The following NFKB1 variants were observed in gnomAD, a reference collection of about 807,000 sequenced individuals.
NFKB1 encodes nuclear factor kappa B subunit 1.
In NFKB1, 9 loss-of-function variants were observed where a neutral mutation model predicts 105.1. The observed-to-expected ratio is 0.09, with a 90% CI of 0.05 to 0.15. The LOEUF (loss-of-function observed/expected upper bound fraction) is 0.15. NFKB1 is among the 10% of genes least tolerant of loss of function. The pLI, the probability that NFKB1 is intolerant of heterozygous loss-of-function variation, is 1.00. For synonymous variants in NFKB1, 440 were observed against 442.2 expected, an observed-to-expected ratio of 1.00 and a Z score of 0.06; for missense variants, 830 against 1,203.7, an observed-to-expected ratio of 0.69 and a Z score of 4.59.
At position 102,575,274 on chromosome 4, in the gene NFKB1, T is replaced by C. The variant is rs549573656; in HGVS notation, c.408-1602T>C. Among the ~76,000 whole-genome samples, 7 of 152,338 alleles carry C rather than the reference T, an allele frequency of 4.6e-5. No individual in the cohort carries two copies. The East Asian group carries it at 1.4e-3, about 29-fold the overall frequency. Reference sequence around the variant, plus strand: ...TAGCTATCCACTTTTTTCATCTGCCTGGACACGTGACTTATTCTGTCTCTG... The same window carrying C: ...TAGCTATCCACTTTTTTCATCTGCCCGGACACGTGACTTATTCTGTCTCTG... On this transcript the variant is annotated intron_variant, in intron 6 of 23. Transcript: ENST00000226574.
At chr4:102,598,989 C>T (rs1449198352) in intron 15 of NFKB1, among the ~76,000 whole-genome samples, 1 of 152,138 alleles carries the variant, frequency 6.6e-6, no homozygotes, top group African/African-American at 2.4e-5. Context: ...CATCACAGCC[C>T]AAGTCTCTTG....
At chr4:102,572,467 A>G (rs765527689) in intron 6 of NFKB1, among the ~76,000 whole-genome samples, 35 of 152,184 alleles carry the variant, frequency 2.3e-4, no homozygotes, top group Admixed American at 5.9e-4. Flanking sequence ...CCTAGAACTT[A>G]AAGTATAATA....
chr4:102,612,824 G>A (rs1022627345), intron 22 of NFKB1, among the ~76,000 whole-genome samples: 2 of 152,042 alleles, frequency 1.3e-5, no homozygotes, highest in African/African-American at 2.4e-5. Flanking sequence ...TCAAATACCT[G>A]GAGACTTCCT....
chr4:102,510,416 G>GT (rs1397902682), intron 1 of NFKB1, among the ~76,000 whole-genome samples: 1 of 152,030 alleles, frequency 6.6e-6, no homozygotes, highest in African/African-American at 2.4e-5. Context: ...TTTTTGTTCT[G>GT]TAAAAAAAAT....
chr4:102,577,263 C>T (rs1724903611), intron 7 of NFKB1, among the ~76,000 whole-genome samples: 1 of 152,180 alleles, frequency 6.6e-6, no homozygotes. Flanking sequence ...CAGCAACTTT[C>T]AGCCTCATCT....
At chr4:102,612,136 C>G (rs577493295) in intron 21 of NFKB1, 26 bp downstream of exon 21, 4 of 1,592,792 alleles carry the variant, frequency 2.5e-6, no homozygotes, top group African/African-American at 2.7e-5. Flanking sequence ...ACCAGATTCT[C>G]TTAACCATTA....
intron 4 of NFKB1, among the ~76,000 whole-genome samples, chr4:102,535,300 A>C (rs995369206): frequency 8.5e-5 from 13 of 152,206 alleles, no homozygotes; most frequent in African/African-American, 3.1e-4. Context: ...TTTCATAAGC[A>C]TAGCACTACA....
intron 5 of NFKB1, among the ~76,000 whole-genome samples, chr4:102,558,189 C>G (rs772143160): frequency 2.6e-5 from 4 of 152,076 alleles, no homozygotes; most frequent in Non-Finnish European, 2.9e-5. Flanking sequence ...TGTCTGTCCT[C>G]CCACCCTCCA....
At chr4:102,598,897 G>A (rs1024074366) in intron 15 of NFKB1, among the ~76,000 whole-genome samples, 9 of 152,174 alleles carry the variant, frequency 5.9e-5, no homozygotes, top group Non-Finnish European at 8.8e-5. Flanking sequence ...CACACAAGCC[G>A]GCTCTCAGAG....
Position 102,613,498 on chromosome 4 carries a change from T to C in NFKB1, c.2666T>C (p.Ile889Thr). 6.2e-7 allele frequency: 1 copy of C among 1,613,872 alleles called. No individual in the cohort carries two copies. Among genetic ancestry groups the C allele is most frequent in the Non-Finnish European group, 8.5e-7 (1 of 1,179,978 alleles). The change falls in exon 23 of 24, where the codon ATC (isoleucine) becomes ACC (threonine). Residue 889 changes from isoleucine to threonine, a missense_variant. This residue lies in a region of NFKB1 where 418 missense variants were observed against 575.3 expected (regional missense o/e 0.73). Coordinates refer to ENST00000226574, the MANE Select transcript of NFKB1 (RefSeq NM_003998.4). ...QMGYTEAIEV[I>T]QAASSPVKTT... ...GGCTACACCGAAGCAATTGAAGTGATCCAGGCAGCCTCCAGCCCAGTGAAG... is the reference window on the plus strand; with the variant it reads ...GGCTACACCGAAGCAATTGAAGTGACCCAGGCAGCCTCCAGCCCAGTGAAG...
At position 102,606,612 on chromosome 4, in the gene NFKB1, T is replaced by G. The variant is rs4648094; in HGVS notation, c.1869T>G (p.Ala623=). 6.2e-6 allele frequency: 10 copies of G among 1,614,064 alleles called. No individual in the cohort carries two copies. The Admixed American group carries it at 1.7e-4, about 27-fold the overall frequency. The change falls in exon 17 of 24, where the codon GCT becomes GCG. Residue 623 remains alanine, a synonymous_variant. Transcript: ENST00000226574. ...DRLGNSVLHL[A]AKEGHDKVLS... is the part of the protein sequence containing the mutation. Reference sequence around the variant, plus strand: ...TGGGTAACTCTGTTTTGCACCTAGCTGCCAAAGAAGGACATGATAAAGTTC... The same window carrying G: ...TGGGTAACTCTGTTTTGCACCTAGCGGCCAAAGAAGGACATGATAAAGTTC...
At chr4:102,552,885 G>T (rs114748378) in intron 5 of NFKB1, among the ~76,000 whole-genome samples, 2 of 151,968 alleles carry the variant, frequency 1.3e-5, no homozygotes, top group Non-Finnish European at 2.9e-5. Flanking sequence ...ATCATAGTAC[G>T]TAGATGGTAC....
chr4:102,508,801 C>T (rs968093379), intron 1 of NFKB1, among the ~76,000 whole-genome samples: 4 of 152,024 alleles, frequency 2.6e-5, no homozygotes, highest in Non-Finnish European at 1.5e-5. Flanking sequence ...GAAGAGTCCT[C>T]TATAAAACTA....
chr4:102,544,684 AT>A (rs1309433144), intron 5 of NFKB1, among the ~76,000 whole-genome samples: 1 of 152,126 alleles, frequency 6.6e-6, no homozygotes, highest in East Asian at 1.9e-4. Flanking sequence ...TTTGTAAAAT[AT>A]TTTTTTAAAT....
chr4:102,558,445 AAG>A (rs1170918981), intron 5 of NFKB1, among the ~76,000 whole-genome samples: 1 of 152,164 alleles, frequency 6.6e-6, no homozygotes, highest in Non-Finnish European at 1.5e-5. Flanking sequence ...TAACAAAAAA[AAG>A]AGTACAGTTA....
rs376332029 is a variant in NFKB1, at chr4:102,607,778, A to T, written c.2227+27A>T. ...TAAGATGGTGATCTGGCGGTCATTA[A>T]TGAAAAATGTTACCAGGAATGCAAA... On this transcript the variant is annotated intron_variant, in intron 19 of 23. Transcript: ENST00000226574. 73 of 1,604,808 alleles carry T rather than the reference A, an allele frequency of 4.5e-5. No individual in the cohort carries two copies. In the Middle Eastern group the frequency reaches 8.2e-4, roughly 18 times the overall value.
At chr4:102,503,993 A>C (rs1485818334) in intron 1 of NFKB1, among the ~76,000 whole-genome samples, 3 of 152,218 alleles carry the variant, frequency 2.0e-5, no homozygotes, top group African/African-American at 7.2e-5. Flanking sequence ...TTGGACTATC[A>C]TTCCATCAGC....
intron 9 of NFKB1, among the ~76,000 whole-genome samples, chr4:102,581,466 T>C (rs994510872): frequency 2.6e-5 from 4 of 152,160 alleles, no homozygotes; most frequent in African/African-American, 9.7e-5. Context: ...GGATCAGATT[T>C]TAAAGTAAAC....
intron 5 of NFKB1, among the ~76,000 whole-genome samples, chr4:102,541,061 T>G (rs1234624563): frequency 1.3e-5 from 2 of 152,134 alleles, no homozygotes; most frequent in Non-Finnish European, 2.9e-5. Flanking sequence ...ATTATTGACA[T>G]TTGGGGCTTG....
Sources: allele counts gnomAD v4.1 joint callset (sites outside exome capture counted in the v4.1 genomes callset), GRCh38; gene constraint gnomAD v4.1.1; regional missense constraint gnomAD v4.1.1; transcripts MANE v1.5; gene names NCBI Gene and HGNC (gene_info 2026-07-23, HGNC 2026-07-21).